Variants in CCDC91 observed in about 807,000 individuals in gnomAD.
The protein encoded by CCDC91 is coiled-coil domain-containing protein 91.
A neutral mutation model predicts 63.2 loss-of-function variants in CCDC91; 48 were observed. That is an observed-to-expected ratio of 0.76 (90% CI 0.60 to 0.97). CCDC91 has a LOEUF of 0.97. CCDC91 is among the 50% of genes least tolerant of loss of function. The pLI, the probability that CCDC91 is intolerant of heterozygous loss-of-function variation, is 0.00. For missense variants in CCDC91, 500 were observed against 494.6 expected (o/e 1.01, Z -0.10); for synonymous variants, 167 against 165.8 (o/e 1.01, Z -0.06).
chr12:28,291,318 A>C (rs547426165), intron 3 of CCDC91, among the ~76,000 whole-genome samples: 1 of 152,320 alleles, frequency 6.6e-6, no homozygotes, highest in South Asian at 2.1e-4. Flanking sequence ...CAGATGAGAC[A>C]AAACTTCATG....
intron 12 of CCDC91, among the ~76,000 whole-genome samples, chr12:28,546,998 A>G (rs1200722086): frequency 6.6e-6 from 1 of 152,146 alleles, no homozygotes; most frequent in African/African-American, 2.4e-5. Context: ...ATTATGAAAT[A>G]CAGTTAAGCA....
chr12:28,424,724 A>T (rs1948211509), intron 8 of CCDC91, among the ~76,000 whole-genome samples: 1 of 152,140 alleles, frequency 6.6e-6, no homozygotes, highest in Non-Finnish European at 1.5e-5. Flanking sequence ...GAATACTAAT[A>T]TTGTCTTTAG....
chr12:28,412,829 G>T (rs1231275465), intron 8 of CCDC91: 4 of 451,620 alleles, frequency 8.9e-6, no homozygotes, highest in South Asian at 6.3e-5. Context: ...ACAGAGTGCT[G>T]ATTGGTGTAT....
At position 28,393,480 on chromosome 12, in the gene CCDC91, C is replaced by T. The variant is rs770801862; in HGVS notation, c.762+2069C>T. ...GAACCTCATATTTGTCTGTCTGTCT[C>T]TCCTATTTTATTGCAGAGATATGTT... is the stretch of plus-strand genomic sequence containing the variant. On this transcript the variant is annotated intron_variant, in intron 8 of 12. Transcript: ENST00000536442. Among the ~76,000 whole-genome samples, 22 of 151,522 alleles carry T rather than the reference C, an allele frequency of 1.5e-4. 1 individual carries two copies. Among genetic ancestry groups the T allele is most frequent in the Non-Finnish European group, 2.9e-5 (2 of 67,930 alleles).
intron 12 of CCDC91, among the ~76,000 whole-genome samples, chr12:28,503,571 A>C (rs992630217): frequency 2.6e-4 from 39 of 152,170 alleles, no homozygotes; most frequent in African/African-American, 4.3e-4. Flanking sequence ...TTGACCCAGC[A>C]ATCCCATCAC....
At chr12:28,325,889 A>G (rs1940949014) in intron 6 of CCDC91, among the ~76,000 whole-genome samples, 1 of 152,128 alleles carries the variant, frequency 6.6e-6, no homozygotes, top group Admixed American at 6.6e-5. Flanking sequence ...TATTTTAAAA[A>G]ATGTATAGAC....
intron 11 of CCDC91, among the ~76,000 whole-genome samples, chr12:28,463,360 G>A (rs143248133): frequency 5.5e-4 from 84 of 152,190 alleles, no homozygotes; most frequent in African/African-American, 1.8e-3. Flanking sequence ...AGACAAATTC[G>A]GATTTAATAT....
chr12:28,527,312 T>C (rs1220923978), intron 12 of CCDC91, among the ~76,000 whole-genome samples: 1 of 152,244 alleles, frequency 6.6e-6, no homozygotes, highest in East Asian at 1.9e-4. Flanking sequence ...GATGTAATAC[T>C]CTTCTCCTTT....
chr12:28,357,601 T>C (rs1369125762), intron 6 of CCDC91, among the ~76,000 whole-genome samples: 1 of 152,108 alleles, frequency 6.6e-6, no homozygotes, highest in Non-Finnish European at 1.5e-5. Flanking sequence ...TGATTTTTGA[T>C]AGGATATTTT....
chr12:28,368,819 GGAGAGAGAGAAAGA>G (rs1231155797), intron 7 of CCDC91, among the ~76,000 whole-genome samples: 2 of 147,022 alleles, frequency 1.4e-5, no homozygotes, highest in South Asian at 4.3e-4. Flanking sequence ...GCAGCAGTGG[GGAGAGAGAGAAAGA>G]GAGAGAGAGA....
intron 6 of CCDC91, among the ~76,000 whole-genome samples, chr12:28,317,501 T>C (rs1280218926): frequency 6.6e-6 from 1 of 152,008 alleles, no homozygotes; most frequent in Non-Finnish European, 1.5e-5. Context: ...TATACTGTTA[T>C]TAAGCACTTA....
At chr12:28,381,919 C>T (rs1223676045) in intron 7 of CCDC91, among the ~76,000 whole-genome samples, 1 of 151,998 alleles carries the variant, frequency 6.6e-6, no homozygotes, top group Non-Finnish European at 1.5e-5. Context: ...GACCTCTGGC[C>T]CTGTATCTGT....
intron 11 of CCDC91, among the ~76,000 whole-genome samples, chr12:28,468,824 G>A (rs2140594986): frequency 6.6e-6 from 1 of 152,080 alleles, no homozygotes; most frequent in East Asian, 1.9e-4. Flanking sequence ...TTGACCAAAT[G>A]GAGGACAAAA....
At chr12:28,205,432 A>G (rs1942773339) in intron 1 of CCDC91, among the ~76,000 whole-genome samples, 2 of 152,162 alleles carry the variant, frequency 1.3e-5, no homozygotes, top group South Asian at 4.1e-4. Flanking sequence ...CTTTTAATTC[A>G]AGGAAAAATG....
chr12:28,527,775 A>G (rs1452483352), intron 12 of CCDC91, among the ~76,000 whole-genome samples: 1 of 152,134 alleles, frequency 6.6e-6, no homozygotes, highest in Non-Finnish European at 1.5e-5. Context: ...TCTTGCTGCA[A>G]CTGCTGTGGG....
chr12:28,216,375 G>C (rs1943560838), intron 1 of CCDC91, among the ~76,000 whole-genome samples: 1 of 151,840 alleles, frequency 6.6e-6, no homozygotes, highest in Non-Finnish European at 1.5e-5. Flanking sequence ...TATTTCTCTT[G>C]CAATTCAGTT....
At chr12:28,445,059 C>G (rs1949428990) in intron 8 of CCDC91, among the ~76,000 whole-genome samples, 1 of 152,098 alleles carries the variant, frequency 6.6e-6, no homozygotes. Flanking sequence ...AAATGTTAGT[C>G]TTAGTTATAT....
chr12:28,472,500 T>G (rs965245960), intron 11 of CCDC91, among the ~76,000 whole-genome samples: 2 of 152,182 alleles, frequency 1.3e-5, no homozygotes, highest in African/African-American at 4.8e-5. Context: ...ATAGATCTAA[T>G]GAAAAGAGGA....
intron 10 of CCDC91, among the ~76,000 whole-genome samples, chr12:28,452,193 T>C (rs1949838598): frequency 6.6e-6 from 1 of 151,546 alleles, no homozygotes; most frequent in South Asian, 2.1e-4. Flanking sequence ...AATTTTAAGA[T>C]TGTAAAGGGA....
Sources: gnomAD v4.1 joint callset for allele counts (sites outside exome capture counted in the v4.1 genomes callset) on GRCh38, gnomAD v4.1.1 for gene constraint, MANE v1.5 for transcripts, NCBI Gene and HGNC (gene_info 2026-07-23, HGNC 2026-07-21) for gene names.